Variants in TAFA1 observed in about 807,000 individuals in gnomAD.
The protein encoded by TAFA1 is TAFA chemokine like family member 1, also known as chemokine-like protein TAFA-1.
In TAFA1, 4 loss-of-function variants were observed where a neutral mutation model predicts 18.5. The observed-to-expected ratio is 0.22, with a 90% CI of 0.11 to 0.49. TAFA1 has a LOEUF of 0.49. Ranked by LOEUF, TAFA1 falls within the 20% of genes least tolerant of loss-of-function variation. TAFA1 has a pLI of 0.98. For missense variants in TAFA1, 147 were observed against 169.0 expected (o/e 0.87, Z 0.72); for synonymous variants, 56 against 55.2 (o/e 1.01, Z -0.06).
chr3:68,406,941 A>G lies in TAFA1; in HGVS notation c.119-10339A>G, dbSNP rs192297140. Among the ~76,000 whole-genome samples, 210 of 152,302 alleles carry G rather than the reference A, an allele frequency of 1.4e-3. 1 individual carries two copies. Among genetic ancestry groups the G allele is most frequent in the African/African-American group, 4.7e-3 (197 of 41,586 alleles). On this transcript the variant is annotated intron_variant, in intron 2 of 4. Coordinates refer to ENST00000478136, the MANE Select transcript of TAFA1 (RefSeq NM_213609.4). ...TTGCTAAAAGTTATTTCTGCAGTAGAGTTTCAACATATCCAACGTATAAGC... is the reference window on the plus strand; with the variant it reads ...TTGCTAAAAGTTATTTCTGCAGTAGGGTTTCAACATATCCAACGTATAAGC...
chr3:68,328,614 C>G (rs183668148), intron 2 of TAFA1, among the ~76,000 whole-genome samples: 1 of 152,128 alleles, frequency 6.6e-6, no homozygotes, highest in Non-Finnish European at 1.5e-5. Context: ...AGCAGGCTAA[C>G]GTGAGGCATA....
At chr3:68,534,584 TTAGAAGAGG>T (rs1412169041) in intron 3 of TAFA1, among the ~76,000 whole-genome samples, 8 of 152,164 alleles carry the variant, frequency 5.3e-5, no homozygotes, top group Non-Finnish European at 1.2e-4. Context: ...CCAACTCTAT[TTAGAAGAGG>T]CAACTCTAAT....
rs1353493315 is a variant in TAFA1, at chr3:68,479,241, A to AAAAAAAAATAT, written c.260-59514_260-59513insAAAAAAATATA. ...TGAGACTCCATCTCAAAAAAAAAAA[A>AAAAAAAAATAT]ATATATATATATATATATATATGTC... On this transcript the variant is annotated intron_variant, in intron 3 of 4. Transcript: ENST00000478136. Among the ~76,000 whole-genome samples the AAAAAAAAATAT allele has an allele frequency of 4.1e-3, 510 of 123,590 alleles. 9 individuals are homozygous for AAAAAAAAATAT. The highest frequency in any genetic ancestry group is 0.017 in the African/African-American group (473 of 27,694). The allele number at this position is 123,590 out of a possible 152,430, so 81.1% of individuals were successfully genotyped here.
At chr3:68,119,515 T>C (rs2065362499) in intron 2 of TAFA1, among the ~76,000 whole-genome samples, 1 of 152,182 alleles carries the variant, frequency 6.6e-6, no homozygotes, top group South Asian at 2.1e-4. Context: ...TAAGTTTAGG[T>C]CTTTGATCCA....
intron 2 of TAFA1, among the ~76,000 whole-genome samples, chr3:68,405,183 TAAC>T (rs1206032640): frequency 1.3e-5 from 2 of 152,180 alleles, no homozygotes; most frequent in African/African-American, 4.8e-5. Context: ...ATGTTCGTTT[TAAC>T]ATCCATTACA....
chr3:68,105,859 CTA>C (rs1197597662), intron 2 of TAFA1, among the ~76,000 whole-genome samples: 1 of 152,072 alleles, frequency 6.6e-6, no homozygotes, highest in African/African-American at 2.4e-5. Flanking sequence ...CAGGCCTAAT[CTA>C]TCTGGTATTT....
intron 2 of TAFA1, among the ~76,000 whole-genome samples, chr3:68,408,081 T>G (rs1315082233): frequency 1.3e-5 from 2 of 152,120 alleles, no homozygotes; most frequent in Non-Finnish European, 2.9e-5. Flanking sequence ...TATACAACCC[T>G]GATCAAAAAG....
intron 2 of TAFA1, among the ~76,000 whole-genome samples, chr3:68,355,252 C>G (rs777047455): frequency 2.0e-5 from 3 of 151,892 alleles, no homozygotes; most frequent in Non-Finnish European, 4.4e-5. Context: ...TACTTTTGGG[C>G]TCTTTTATTT....
At chr3:68,238,066 C>A (rs964734504) in intron 2 of TAFA1, among the ~76,000 whole-genome samples, 2 of 151,944 alleles carry the variant, frequency 1.3e-5, no homozygotes, top group Non-Finnish European at 2.9e-5. Context: ...TGAAACCTAA[C>A]GTTCACTGGT....
intron 3 of TAFA1, among the ~76,000 whole-genome samples, chr3:68,512,293 C>T (rs920659423): frequency 6.6e-6 from 1 of 152,088 alleles, no homozygotes; most frequent in Non-Finnish European, 1.5e-5. Context: ...CAAAATATTA[C>T]TCTAAAAAAT....
chr3:68,082,659 C>T (rs1053796492), intron 2 of TAFA1, among the ~76,000 whole-genome samples: 3 of 152,164 alleles, frequency 2.0e-5, no homozygotes, highest in African/African-American at 4.8e-5. Flanking sequence ...ATGATGATAA[C>T]GATGATGATG....
chr3:68,022,013 G>C (rs1704702043), intron 2 of TAFA1, among the ~76,000 whole-genome samples: 2 of 152,252 alleles, frequency 1.3e-5, no homozygotes, highest in South Asian at 4.1e-4. Context: ...CTGGCAAGCA[G>C]AGCATCAGAG....
intron 2 of TAFA1, among the ~76,000 whole-genome samples, chr3:68,012,782 A>C (rs568239970): frequency 6.6e-6 from 1 of 152,272 alleles, no homozygotes; most frequent in Admixed American, 6.5e-5. Context: ...AGGGAGAATA[A>C]GTAGGAAAAT....
In TAFA1 at chr3:68,308,268, A is replaced by T. The variant is rs115513028; in HGVS notation, c.119-109012A>T. Among the ~76,000 whole-genome samples the T allele has an allele frequency of 8.5e-3, 1,299 of 152,252 alleles. 22 individuals carry two copies. The highest frequency in any genetic ancestry group is 0.03 in the African/African-American group (1,258 of 41,544). On this transcript the variant is annotated intron_variant, in intron 2 of 4. Transcript: ENST00000478136. ...ATCTGTTGCATTCTGTCTTCATTAA[A>T]ATGCTATCACCCCTGGAGTGGTCAT... is the stretch of plus-strand genomic sequence containing the variant.
intron 3 of TAFA1, among the ~76,000 whole-genome samples, chr3:68,536,927 C>T (rs1202516671): frequency 6.6e-6 from 1 of 152,144 alleles, no homozygotes; most frequent in African/African-American, 2.4e-5. Flanking sequence ...ATATTTTTAT[C>T]TAATATTACT....
chr3:68,359,990 T>C (rs549447617), intron 2 of TAFA1, among the ~76,000 whole-genome samples: 6 of 152,092 alleles, frequency 3.9e-5, no homozygotes, highest in African/African-American at 1.4e-4. Flanking sequence ...GGGTCATGGG[T>C]TCACCATTCT....
intron 2 of TAFA1, among the ~76,000 whole-genome samples, chr3:68,395,689 A>C (rs1431397503): frequency 6.6e-6 from 1 of 152,224 alleles, no homozygotes; most frequent in African/African-American, 2.4e-5. Context: ...CATCATTCTC[A>C]GCAAACTAAC....
At chr3:68,101,225 A>G (rs1204149162) in intron 2 of TAFA1, among the ~76,000 whole-genome samples, 1 of 151,798 alleles carries the variant, frequency 6.6e-6, no homozygotes, top group East Asian at 1.9e-4. Flanking sequence ...TCAGGCCCTC[A>G]AGGTAGGTGT....
intron 2 of TAFA1, among the ~76,000 whole-genome samples, chr3:68,313,129 A>T (rs550171814): frequency 2.0e-5 from 3 of 152,312 alleles, no homozygotes; most frequent in Non-Finnish European, 4.4e-5. Context: ...CCCACAACAC[A>T]TGGGAAATAT....
Sources: allele counts gnomAD v4.1 joint callset (sites outside exome capture counted in the v4.1 genomes callset), GRCh38; gene constraint gnomAD v4.1.1; transcripts MANE v1.5; gene names NCBI Gene and HGNC (gene_info 2026-07-23, HGNC 2026-07-21).